Variants in EPB42 observed in about 807,000 individuals in gnomAD.
EPB42 encodes erythrocyte membrane protein band 4.2, also known as protein 4.2.
A neutral mutation model predicts 76.9 loss-of-function variants in EPB42; 49 were observed. The observed-to-expected ratio is 0.64, with a 90% confidence interval of 0.51 to 0.81. The LOEUF (loss-of-function observed/expected upper bound fraction) is 0.81, where lower values mean the gene tolerates loss of function less well. EPB42 is among the 30% of genes least tolerant of loss of function. The pLI is 0.00. For synonymous variants in EPB42, 310 were observed against 338.4 expected, an observed-to-expected ratio of 0.92 and a Z score of 0.92; for missense variants, 731 against 867.6, an observed-to-expected ratio of 0.84 and a Z score of 1.98.
intron 10 of EPB42, 123 bp from the exon 11 acceptor site, chr15:43,203,398 C>G: frequency 7.9e-7 from 1 of 1,266,044 alleles, no homozygotes; most frequent in Non-Finnish European, 1.1e-6. Flanking sequence ...CACCATTTTC[C>G]CCAGCAATTG....
At chr15:43,214,032 G>A (rs1231687419) in intron 3 of EPB42, among the ~76,000 whole-genome samples, 1 of 152,224 alleles carries the variant, frequency 6.6e-6, no homozygotes. Context: ...GCCTTGCCAC[G>A]GGGCCTCCTT....
intron 10 of EPB42, among the ~76,000 whole-genome samples, chr15:43,204,530 C>T (rs1243821208): frequency 1.3e-5 from 2 of 152,166 alleles, no homozygotes; most frequent in Non-Finnish European, 2.9e-5. Context: ...GTGTCACGGG[C>T]TTTCAGACAC....
chr15:43,203,118 G>A lies in EPB42; in HGVS notation c.1776C>T (p.Ile592=). 6.2e-7 allele frequency: 1 copy of A among 1,614,110 alleles called. No individual in the cohort carries two copies. The highest frequency in any genetic ancestry group is 8.5e-7 in the Non-Finnish European group (1 of 1,180,012). ...TCAGGGGAGGACTGGTGCCTACCTTGATGGCAAGGTGTGGTCTACAAATGG... is the reference window on the plus strand; with the variant it reads ...TCAGGGGAGGACTGGTGCCTACCTTAATGGCAAGGTGTGGTCTACAAATGG... The part of the protein sequence containing the change: ...DIAICRPHLA[I]KMPEKAEQYQ... The change falls in exon 11 of 13, where the codon ATC becomes ATT. Residue 592 remains isoleucine (I), a synonymous_variant. Coordinates refer to ENST00000441366, the MANE Select transcript of EPB42 (RefSeq NM_001114134.2).
chr15:43,202,064 G>T, intron 11 of EPB42, 87 bp from the exon 12 acceptor site: 1 of 1,590,440 alleles, frequency 6.3e-7, no homozygotes, highest in Non-Finnish European at 8.6e-7. Flanking sequence ...ACCCTCCTCA[G>T]TAAGTTTCCT....
At chr15:43,209,748 C>T (rs2042264676) in intron 5 of EPB42, 2 of 397,858 alleles carry the variant, frequency 5.0e-6, no homozygotes, top group Non-Finnish European at 9.0e-6. Context: ...TCTTAGTCCT[C>T]CACCCTGACT....
At position 43,210,244 on chromosome 15, in the gene EPB42, G is replaced by A. The variant is rs555481085; in HGVS notation, c.654+91C>T. On this transcript the variant is annotated intron_variant, in intron 5 of 12. Coordinates refer to ENST00000441366, the MANE Select transcript of EPB42 (RefSeq NM_001114134.2). ...GGAGGAGGGGGCCATTTGTGATTTG[G>A]GGGTTTCTGAGGCCACGGTGGTGGG... 25 of 1,126,384 alleles carry A rather than the reference G, an allele frequency of 2.2e-5. No individual in the cohort carries two copies. The East Asian group carries it at 5.9e-4, about 26-fold the overall frequency. The allele number at this position is 1,126,384 out of a possible 1,614,324, so 69.8% of individuals were successfully genotyped here. A position where few individuals can be genotyped will look rare whatever the true frequency, so the allele number is the denominator to read the frequency against.
At position 43,207,260 on chromosome 15, in the gene EPB42, G is replaced by A; in HGVS notation, c.1257C>T (p.Ser419=). 6.2e-7 allele frequency: 1 copy of A among 1,614,160 alleles called. No individual in the cohort carries two copies. Among genetic ancestry groups the A allele is most frequent in the Non-Finnish European group, 8.5e-7 (1 of 1,180,022 alleles). ...AGCGGTCACTGCCCACACCCTTGGT[G>A]CTGATGTTGTTGCCAACATACTTTG... is the stretch of plus-strand genomic sequence containing the variant. ...SNTKYVGNNI[S]TKGVGSDRCE... Residue 419 remains serine (S), a synonymous_variant, in exon 9 of 13, where the codon AGC becomes AGT. Transcript: ENST00000441366.
chr15:43,200,910 G>A (rs2042115430), intron 12 of EPB42, among the ~76,000 whole-genome samples: 1 of 151,928 alleles, frequency 6.6e-6, no homozygotes, highest in Admixed American at 6.6e-5. Flanking sequence ...CGCCTCCCAG[G>A]TTCACACCAT....
rs770175819 is a variant in EPB42, at chr15:43,215,369, G to T, written c.197-41C>A. The T allele has an allele frequency of 3.1e-6, 5 of 1,593,578 alleles. 1 individual carries two copies. The Admixed American group carries it at 5.0e-5, about 16-fold the overall frequency. ...GATTAGTCTGTCACTGGGACTTCTT[G>T]GTCACAACTCAGAGTAATAAGGTCA... is the stretch of plus-strand genomic sequence containing the variant. On this transcript the variant is annotated intron_variant, in intron 2 of 12. Transcript: ENST00000441366.
At chr15:43,197,869 A>G (rs933743827) in intron 12 of EPB42, among the ~76,000 whole-genome samples, 1 of 152,144 alleles carries the variant, frequency 6.6e-6, no homozygotes, top group Non-Finnish European at 1.5e-5. Flanking sequence ...GAGGTAATTG[A>G]ATCATGGGGG....
chr15:43,220,714 C>A (rs200365013), intron 1 of EPB42, 102 bp downstream of exon 1: 1 of 1,528,900 alleles, frequency 6.5e-7, no homozygotes, highest in African/African-American at 1.4e-5. Flanking sequence ...ATACCACCAT[C>A]TCCCCGCCTA....
intron 8 of EPB42, 128 bp from the exon 9 acceptor site, chr15:43,207,569 C>A: frequency 1.4e-6 from 2 of 1,442,786 alleles, no homozygotes; most frequent in East Asian, 2.3e-5. Flanking sequence ...CAGAGGTGAG[C>A]ACTAGGCAGG....
chr15:43,203,239 A>C lies in EPB42; in HGVS notation c.1655T>G (p.Phe552Cys). ...GGTGTTCTCGGGTGGGTTTCGCTCA[A>C]AATTGGAGAAGAACAGGCCGATGGT... ...IITIGLFFSN[F>C]ERNPPENTFL... The change falls in exon 11 of 13, where the codon TTT becomes TGT. Residue 552 changes from phenylalanine to cysteine, a missense_variant. Physicochemically the swap from Phe to Cys is radical, Grantham distance 205. Transcript: ENST00000441366. 1 of 1,614,104 alleles carries C rather than the reference A, an allele frequency of 6.2e-7. No homozygotes were observed. The highest frequency in any genetic ancestry group is 8.5e-7 in the Non-Finnish European group (1 of 1,180,016).
chr15:43,214,099 A>C (rs910448017), intron 3 of EPB42, among the ~76,000 whole-genome samples: 4 of 152,254 alleles, frequency 2.6e-5, no homozygotes, highest in Non-Finnish European at 5.9e-5. Context: ...TTGATGTTGT[A>C]AAGACAGGAA....
upstream of EPB42, among the ~76,000 whole-genome samples, chr15:43,225,602 T>G (rs929358240): frequency 2.0e-5 from 3 of 152,134 alleles, no homozygotes; most frequent in Admixed American, 1.3e-4. Context: ...GCAGTAAAGC[T>G]CTATAGACGC....
At chr15:43,218,525 C>T (rs2042411313) in intron 1 of EPB42, among the ~76,000 whole-genome samples, 1 of 152,214 alleles carries the variant, frequency 6.6e-6, no homozygotes, top group Admixed American at 6.5e-5. Context: ...ATTTGATACC[C>T]ATCACCTGCT....
At chr15:43,207,885 C>T (rs1172573481) in intron 8 of EPB42, among the ~76,000 whole-genome samples, 1 of 152,198 alleles carries the variant, frequency 6.6e-6, no homozygotes, top group Non-Finnish European at 1.5e-5. Context: ...CCGATGCCCT[C>T]TTCATCCGTG....
At position 43,211,482 on chromosome 15, in the gene EPB42, G is replaced by A. The variant is rs748045485; in HGVS notation, c.483C>T (p.Asn161=). The A allele has an allele frequency of 2.6e-5, 42 of 1,614,018 alleles. No individual in the cohort carries two copies. In the South Asian group the frequency reaches 4.5e-4, roughly 17 times the overall value. ...NEAQRMEYLL[N]QNGLIYLGTA... is the part of the protein sequence containing the mutation. ...TACCCAGGTAGATGAGACCATTCTG[G>A]TTCAACAAGTACTCCATGCGCTGAG... is the stretch of plus-strand genomic sequence containing the variant. The change falls in exon 4 of 13, where the codon AAC becomes AAT. Residue 161 remains asparagine (N), a synonymous_variant. Coordinates refer to ENST00000441366, the MANE Select transcript of EPB42 (RefSeq NM_001114134.2).
chr15:43,215,370 G>A (rs2142315634), intron 2 of EPB42, 42 bp from the exon 3 acceptor site: 2 of 1,593,042 alleles, frequency 1.3e-6, no homozygotes, highest in East Asian at 4.5e-5. Flanking sequence ...GGACTTCTTG[G>A]TCACAACTCA....
Sources: allele counts gnomAD v4.1 joint callset (sites outside exome capture counted in the v4.1 genomes callset), GRCh38; gene constraint gnomAD v4.1.1; transcripts MANE v1.5; gene names NCBI Gene and HGNC (gene_info 2026-07-23, HGNC 2026-07-21).